Variants in TET1 observed in about 807,000 individuals in gnomAD.
TET1 encodes the protein tet methylcytosine dioxygenase 1, also known as methylcytosine dioxygenase TET1.
Under a neutral mutation model 148.7 loss-of-function variants are expected in TET1, and 13 were observed. The ratio of observed to expected loss-of-function variants is 0.09; its 90% CI spans 0.06 to 0.14. The LOEUF is 0.14. TET1 is among the 10% of genes least tolerant of loss of function. TET1 has a pLI of 1.00. For missense variants in TET1, 2,182 were observed against 2,553.8 expected, an observed-to-expected ratio of 0.85 and a Z score of 3.14; for synonymous variants, 907 against 937.2, an observed-to-expected ratio of 0.97 and a Z score of 0.59.
At chr10:68,672,669 A>G (rs1338439590) in intron 7 of TET1, among the ~76,000 whole-genome samples, 4 of 152,064 alleles carry the variant, frequency 2.6e-5, no homozygotes, top group Non-Finnish European at 5.9e-5. Flanking sequence ...AAATTTGGTT[A>G]TAATAAAGTA....
chr10:68,677,130 T>C (rs2055372698), intron 8 of TET1, among the ~76,000 whole-genome samples: 1 of 152,208 alleles, frequency 6.6e-6, no homozygotes, highest in Non-Finnish European at 1.5e-5. Flanking sequence ...TAACATCTGC[T>C]TATTATGAAA....
chr10:68,593,417 AAAAT>A (rs1180268430), intron 2 of TET1, among the ~76,000 whole-genome samples: 1 of 145,386 alleles, frequency 6.9e-6, no homozygotes, highest in Non-Finnish European at 1.5e-5. Flanking sequence ...GGAAGGGAAA[AAAAT>A]AAAGTTTTTT....
At chr10:68,578,205 A>G (rs190879009) in intron 2 of TET1, among the ~76,000 whole-genome samples, 11 of 152,302 alleles carry the variant, frequency 7.2e-5, no homozygotes, top group Admixed American at 7.2e-4. Flanking sequence ...TGAGATAAAT[A>G]AACTGGGCAA....
chr10:68,598,567 G>A (rs2054013857), intron 2 of TET1, among the ~76,000 whole-genome samples: 1 of 152,142 alleles, frequency 6.6e-6, no homozygotes, highest in African/African-American at 2.4e-5. Context: ...GCTTCTTATA[G>A]ATAGTGTGGG....
chr10:68,622,846 T>C (rs572620847), intron 3 of TET1, among the ~76,000 whole-genome samples: 1 of 152,292 alleles, frequency 6.6e-6, no homozygotes, highest in Non-Finnish European at 1.5e-5. Flanking sequence ...CCCAGGGTGC[T>C]AGGATTACAG....
At chr10:68,593,915 ATTTTTTTTTTTTT>A (rs3998851) in intron 2 of TET1, among the ~76,000 whole-genome samples, 9 of 44,750 alleles carry the variant, frequency 2.0e-4, no homozygotes, top group African/African-American at 5.9e-4. Context: ...CGCCTGAGCT[ATTTTTTTTTTTTT>A]TTTTTTTTTT....
intron 8 of TET1, among the ~76,000 whole-genome samples, chr10:68,679,768 G>C (rs746231128): frequency 6.6e-6 from 1 of 152,096 alleles, no homozygotes; most frequent in Non-Finnish European, 1.5e-5. Flanking sequence ...TCACCTCCCA[G>C]ATTCAATAGA....
rs71019031 is a variant in TET1, at chr10:68,565,475, A to AATAT, written c.-123+4754_-123+4757dup. On this transcript the variant is annotated intron_variant, in intron 1 of 11. Transcript: ENST00000373644. ...AGCAAGACCCTGTTTAAAAAAAAAA[A>AATAT]ATATATATATATATATATATATATG... Among the ~76,000 whole-genome samples the AATAT allele has an allele frequency of 1.8e-3, 227 of 129,212 alleles. 2 individuals are homozygous for AATAT. Among genetic ancestry groups the AATAT allele is most frequent in the East Asian group, 0.012 (54 of 4,384 alleles). The allele number at this position is 129,212 out of a possible 152,430, so 84.8% of individuals were successfully genotyped here.
At chr10:68,670,529 G>C (rs1163228372) in intron 7 of TET1, among the ~76,000 whole-genome samples, 1 of 152,202 alleles carries the variant, frequency 6.6e-6, no homozygotes, top group Non-Finnish European at 1.5e-5. Flanking sequence ...TATTGGTGTT[G>C]TTGACTATTT....
chr10:68,572,825 A>G lies in TET1; in HGVS notation c.487A>G (p.Thr163Ala), dbSNP rs765798398. The change falls in exon 2 of 12, where the codon ACC (threonine) becomes GCC (alanine). Residue 163 changes from threonine (T) to alanine (A), a missense_variant. This residue lies in a region of TET1 where 665 missense variants were observed against 672.4 expected (regional missense o/e 0.99). Transcript: ENST00000373644. ...SENDSVPMQD[T>A]QVLPDIETLI... ...AAATGATTCGGTTCCAATGCAAGAC[A>G]CCCAAGTCCTTCCTGATATAGAGAC... 1 of 1,614,122 alleles carries G rather than the reference A, an allele frequency of 6.2e-7. No homozygotes were observed. The highest frequency in any genetic ancestry group is 1.1e-5 in the South Asian group (1 of 91,070).
intron 3 of TET1, among the ~76,000 whole-genome samples, chr10:68,606,251 C>T (rs2132895849): frequency 6.6e-6 from 1 of 152,184 alleles, no homozygotes; most frequent in African/African-American, 2.4e-5. Flanking sequence ...CCTGTAATCG[C>T]AGCTAATTGG....
chr10:68,627,935 A>G (rs1333190466), intron 3 of TET1, among the ~76,000 whole-genome samples: 1 of 144,414 alleles, frequency 6.9e-6, no homozygotes, highest in African/African-American at 2.5e-5. Context: ...GACTATGTCT[A>G]AAAAAAAAAG....
chr10:68,691,152 G>A lies in TET1; in HGVS notation c.5749G>A (p.Val1917Met). ...TCCTCTCCCCACCCTGTCTGCTCCT[G>A]TGATGGAGCCCCTCATTAATTCTGA... ...VAPLPTLSAP[V>M]MEPLINSEPS... The change falls in exon 12 of 12, where the codon GTG (valine) becomes ATG (methionine). Residue 1917 changes from valine (V) to methionine (M), a missense_variant. This residue lies in a region of TET1 where 380 missense variants were observed against 387.9 expected (regional missense o/e 0.98). Coordinates refer to ENST00000373644, the MANE Select transcript of TET1 (RefSeq NM_030625.3). The surrounding 1 kb of genome is among the most constrained non-coding windows in gnomAD (Gnocchi z 4.4). The A allele has an allele frequency of 6.2e-7, 1 of 1,614,192 alleles. No individual in the cohort carries two copies. The highest frequency in any genetic ancestry group is 8.5e-7 in the Non-Finnish European group (1 of 1,180,040).
rs1467197351 is a variant in TET1, at chr10:68,572,903, A to G, written c.565A>G (p.Thr189Ala). Residue 189 changes from threonine (T) to alanine (A), a missense_variant, in exon 2 of 12, where the codon ACT becomes GCT. Thr to Ala is a moderately conservative substitution (Grantham distance 58). Transcript: ENST00000373644. ...SLLKGKSQET[T>A]QFWSQRVEDS... ...ACTTAAAGGTAAGAGCCAAGAGACA[A>G]CTCAGTTTTGGTCCCAAAGAGTTGA... The G allele has an allele frequency of 6.2e-7, 1 of 1,614,076 alleles. No homozygotes were observed. The highest frequency in any genetic ancestry group is 8.5e-7 in the Non-Finnish European group (1 of 1,180,004).
At chr10:68,612,093 CT>C (rs1178340147) in intron 3 of TET1, among the ~76,000 whole-genome samples, 305 of 141,770 alleles carry the variant, frequency 2.2e-3, no homozygotes, top group Admixed American at 2.5e-3. Context: ...TTGTTGTTTT[CT>C]TTTTTTTTTT....
At chr10:68,611,865 AGAGAG>A (rs2054219992) in intron 3 of TET1, among the ~76,000 whole-genome samples, 1 of 76,298 alleles carries the variant, frequency 1.3e-5, no homozygotes, top group Non-Finnish European at 2.8e-5. Context: ...AGAGAGGGAG[AGAGAG>A]AGAGAGAGAG....
At chr10:68,571,226 G>A (rs2053666417) in intron 1 of TET1, among the ~76,000 whole-genome samples, 1 of 151,308 alleles carries the variant, frequency 6.6e-6, no homozygotes, top group East Asian at 2.0e-4. Context: ...CTGATCTCAG[G>A]TGACCCACCC....
At position 68,674,867 on chromosome 10, in the gene TET1, G is replaced by A. The variant is rs144754598; in HGVS notation, c.4824+1822G>A. 1.3e-4 allele frequency: 56 copies of A among 415,208 alleles called. No homozygotes were observed. The East Asian group carries it at 3.5e-3, about 26-fold the overall frequency. The allele number at this position is 415,208 out of a possible 1,614,324, so 25.7% of individuals were successfully genotyped here. On this transcript the variant is annotated intron_variant, in intron 8 of 11. Coordinates refer to ENST00000373644, the MANE Select transcript of TET1 (RefSeq NM_030625.3). Reference sequence around the variant, plus strand: ...GCAGACAAATTACTTGAAAGAAGTGGTCAATAAATTGATTCCAGACAGGAT... The same window carrying A: ...GCAGACAAATTACTTGAAAGAAGTGATCAATAAATTGATTCCAGACAGGAT...
intron 6 of TET1, among the ~76,000 whole-genome samples, chr10:68,660,343 C>CTTTTTTT (rs35395692): frequency 7.2e-6 from 1 of 138,334 alleles, no homozygotes; most frequent in Non-Finnish European, 1.5e-5. Context: ...TCTTCTTCTT[C>CTTTTTTT]TTTTTTTTTT....
Sources: allele counts gnomAD v4.1 joint callset (sites outside exome capture counted in the v4.1 genomes callset), GRCh38; gene constraint gnomAD v4.1.1; regional missense constraint gnomAD v4.1.1; non-coding constraint Gnocchi (gnomAD v3.1); transcripts MANE v1.5; gene names NCBI Gene and HGNC (gene_info 2026-07-23, HGNC 2026-07-21).